EDF1: variants seen among roughly 807,000 people sequenced by gnomAD.
EDF1 encodes the protein endothelial differentiation-related factor 1.
EDF1 carries 5 observed loss-of-function variants against 20.8 expected under a neutral mutation model. The ratio of observed to expected loss-of-function variants is 0.24; its 90% CI spans 0.13 to 0.51. The LOEUF (loss-of-function observed/expected upper bound fraction) is 0.51, where lower values mean the gene tolerates loss of function less well. EDF1 is among the 20% of genes least tolerant of loss of function. The pLI is 0.97. For missense variants in EDF1, 137 were observed against 197.8 expected (o/e 0.69, Z 1.84); for synonymous variants, 96 against 78.5 (o/e 1.22, Z -1.18).
Position 136,863,339 on chromosome 9 carries a change from C to G in EDF1, c.240G>C (p.Val80=), listed in dbSNP as rs774394753. The G allele has an allele frequency of 3.1e-6, 5 of 1,614,078 alleles. No individual in the cohort carries two copies. The highest frequency in any genetic ancestry group is 4.2e-6 in the Non-Finnish European group (5 of 1,180,018). ...HDRVTLEVGK[V]IQQGRQSKGL... The stretch of plus-strand genomic sequence containing the variant: ...CCTTGCTCTGCCGACCTTGCTGGAT[C>G]ACCTTGCCCACCTCCAGGGTCACCC... The change falls in exon 3 of 5, where the codon GTG becomes GTC. Residue 80 remains valine, a synonymous_variant. Transcript: ENST00000224073. This position sits in a 1 kb window ranked among gnomAD's most constrained non-coding sequence, Gnocchi z 4.5.
chr9:136,862,822 C>T lies in EDF1; in HGVS notation c.385+84G>A. 6.2e-7 allele frequency: 1 copy of T among 1,611,106 alleles called. No homozygotes were observed. ...GGACCCCCAGGGCCATCTTCTTCCC[C>T]CGAGTCCCACTCTCACCAACCCCAG... On this transcript the variant is annotated intron_variant, in intron 4 of 4. Transcript: ENST00000224073. This position sits in a 1 kb window ranked among gnomAD's most constrained non-coding sequence, Gnocchi z 4.1.
At position 136,862,476 on chromosome 9, in the gene EDF1, G is replaced by C. The variant is rs771283221; in HGVS notation, c.386-131C>G. On this transcript the variant is annotated intron_variant, in intron 4 of 4. Coordinates refer to ENST00000224073, the MANE Select transcript of EDF1 (RefSeq NM_003792.4). This position sits in a 1 kb window ranked among gnomAD's most constrained non-coding sequence, Gnocchi z 4.1. ...GTGCCTCACTGGGCTCTCAGCACAC[G>C]AGCACTCCTGGTTCCCACATCTAAT... The C allele has an allele frequency of 1.2e-6, 2 of 1,612,724 alleles. No homozygotes were observed. Among genetic ancestry groups the C allele is most frequent in the African/African-American group, 1.3e-5 (1 of 74,920 alleles).
rs1849111915 is a variant in EDF1 at position 136,862,201 on chromosome 9, C to T, written c.*83G>A. On this transcript the variant is annotated 3_prime_UTR_variant, in exon 5 of 5. Coordinates refer to ENST00000224073, the MANE Select transcript of EDF1 (RefSeq NM_003792.4). The surrounding 1 kb of genome is among the most constrained non-coding windows in gnomAD (Gnocchi z 4.1). ...AAGCTGGACCCCTTGTTCCGTTCGG[C>T]CCGTGAGGAGAACGGAACTGGCGGC... The T allele has an allele frequency of 5.1e-6, 8 of 1,574,860 alleles. No individual in the cohort carries two copies. The highest frequency in any genetic ancestry group is 5.2e-6 in the Non-Finnish European group (6 of 1,145,362).
Position 136,862,394 on chromosome 9 carries a change from C to T in EDF1, c.386-49G>A, listed in dbSNP as rs1184525799. On this transcript the variant is annotated intron_variant, in intron 4 of 4. Transcript: ENST00000224073. The surrounding 1 kb of genome is among the most constrained non-coding windows in gnomAD (Gnocchi z 4.1). ...CCACTGCAGCACCAGCTCCCTCCTC[C>T]CCCCAACGCTGCCCCTCTTCAACAT... 1 of 1,613,942 alleles carries T rather than the reference C, an allele frequency of 6.2e-7. No homozygotes were observed. Among genetic ancestry groups the T allele is most frequent in the Admixed American group, 1.7e-5 (1 of 60,014 alleles).
intron 1 of EDF1, among the ~76,000 whole-genome samples, chr9:136,865,196 G>A (rs116924614): frequency 0.02 from 3,110 of 152,156 alleles, 33 homozygotes; most frequent in Non-Finnish European, 0.031. Context: ...AGGCAGAGGC[G>A]GTGACTAAAC....
In EDF1 at chr9:136,863,044, G is replaced by A. The variant is rs1849139201; in HGVS notation, c.292-45C>T. 1.9e-6 allele frequency: 3 copies of A among 1,609,596 alleles called. No individual in the cohort carries two copies. Among genetic ancestry groups the A allele is most frequent in the Admixed American group, 1.7e-5 (1 of 59,996 alleles). Reference sequence around the variant, plus strand: ...TATACACATCAGCTCCACTAGGACTGCTGCAAAACCAGGCGCGAAGCGTCG... The same window carrying A: ...TATACACATCAGCTCCACTAGGACTACTGCAAAACCAGGCGCGAAGCGTCG... On this transcript the variant is annotated intron_variant, in intron 3 of 4. Coordinates refer to ENST00000224073, the MANE Select transcript of EDF1 (RefSeq NM_003792.4). The surrounding 1 kb of genome is among the most constrained non-coding windows in gnomAD (Gnocchi z 4.5).
rs1849114634 is a variant in EDF1 at position 136,862,290 on chromosome 9, C to T, written c.441G>A (p.Ala147=). ...IGKPIEKGPR[A]K ...TGATTTCGAGGCTTTGTGTTCATTT[C>T]GCCCTAGGCCCCTTCTCGATGGGCT... is the stretch of plus-strand genomic sequence containing the variant. Residue 147 remains alanine, a synonymous_variant, in exon 5 of 5, where the codon GCG becomes GCA. Transcript: ENST00000224073. The surrounding 1 kb of genome is among the most constrained non-coding windows in gnomAD (Gnocchi z 4.1). The T allele has an allele frequency of 2.5e-6, 4 of 1,614,002 alleles. No homozygotes were observed. Among genetic ancestry groups the T allele is most frequent in the Non-Finnish European group, 3.4e-6 (4 of 1,179,982 alleles).
chr9:136,862,240 C>T lies in EDF1; in HGVS notation c.*44G>A, dbSNP rs372345202. 148 of 1,612,014 alleles carry T rather than the reference C, an allele frequency of 9.2e-5. No individual in the cohort carries two copies. Among genetic ancestry groups the T allele is most frequent in the Middle Eastern group, 1.6e-4 (1 of 6,072 alleles). On this transcript the variant is annotated 3_prime_UTR_variant, in exon 5 of 5. Transcript: ENST00000224073. This position sits in a 1 kb window ranked among gnomAD's most constrained non-coding sequence, Gnocchi z 4.1. ...GGAACTGGCGGCCAAGGGGAACCGG[C>T]GGAACGAGATCAGCTGGAGCGCACT...
At position 136,866,172 on chromosome 9, in the gene EDF1, G is replaced by GCAAATC. The variant is rs1849222993; in HGVS notation, c.78+8_78+9insGATTTG. On this transcript the variant is annotated intron_variant, in intron 1 of 4. Transcript: ENST00000224073. ...GCCCGGCCCGGCCGCTCCTCAGTCA[G>GCAAATC]CAAAGCACCTGCTTGGATTTGGCCT... is the stretch of plus-strand genomic sequence containing the variant. 6.3e-7 allele frequency: 1 copy of GCAAATC among 1,595,476 alleles called. No homozygotes were observed. The highest frequency in any genetic ancestry group is 1.4e-5 in the African/African-American group (1 of 72,056).
rs763778714 is a variant in EDF1 at position 136,862,442 on chromosome 9, G to A, written c.386-97C>T. On this transcript the variant is annotated intron_variant, in intron 4 of 4. Transcript: ENST00000224073. The surrounding 1 kb of genome is among the most constrained non-coding windows in gnomAD (Gnocchi z 4.1). ...CATCTTCCCAGGGAAGGGGGGCCACGCCGCTCCCGTGCCTCACTGGGCTCT... is the reference window on the plus strand; with the variant it reads ...CATCTTCCCAGGGAAGGGGGGCCACACCGCTCCCGTGCCTCACTGGGCTCT... 33 of 1,613,380 alleles carry A rather than the reference G, an allele frequency of 2.0e-5. No homozygotes were observed. Among genetic ancestry groups the A allele is most frequent in the East Asian group, 1.3e-4 (6 of 44,886 alleles).
intron 1 of EDF1, among the ~76,000 whole-genome samples, chr9:136,865,862 T>C (rs1849211405): frequency 1.5e-5 from 1 of 65,088 alleles, no homozygotes; most frequent in African/African-American, 6.1e-5. Flanking sequence ...GTCCCGGCCC[T>C]ATCGCCTGCC....
At chr9:136,865,078 C>G (rs1031768510) in intron 1 of EDF1, among the ~76,000 whole-genome samples, 1 of 152,166 alleles carries the variant, frequency 6.6e-6, no homozygotes. Context: ...GACTGTGCAA[C>G]CAGTAAGGGT....
At chr9:136,864,126 G>C (rs1849167762) in intron 1 of EDF1, among the ~76,000 whole-genome samples, 1 of 152,124 alleles carries the variant, frequency 6.6e-6, no homozygotes, top group African/African-American at 2.4e-5. Flanking sequence ...GGGCAACACA[G>C]CAAGATCCTG....
In EDF1 at chr9:136,863,251, C is replaced by T. The variant is rs748738870; in HGVS notation, c.291+37G>A. On this transcript the variant is annotated intron_variant, in intron 3 of 4. Coordinates refer to ENST00000224073, the MANE Select transcript of EDF1 (RefSeq NM_003792.4). The surrounding 1 kb of genome is among the most constrained non-coding windows in gnomAD (Gnocchi z 4.5). ...CACCGGCCATCCCCCTCCCCAAACC[C>T]ACAACCCCAGGAGTGAGAGCCCCGG... The T allele has an allele frequency of 1.3e-6, 2 of 1,595,956 alleles. No homozygotes were observed. The highest frequency in any genetic ancestry group is 1.7e-6 in the Non-Finnish European group (2 of 1,171,444).
Position 136,862,559 on chromosome 9 carries a change from A to G in EDF1, c.386-214T>C. 2 of 1,586,838 alleles carry G rather than the reference A, an allele frequency of 1.3e-6. No individual in the cohort carries two copies. Among genetic ancestry groups the G allele is most frequent in the Non-Finnish European group, 1.7e-6 (2 of 1,172,326 alleles). On this transcript the variant is annotated intron_variant, in intron 4 of 4. Transcript: ENST00000224073. This position sits in a 1 kb window ranked among gnomAD's most constrained non-coding sequence, Gnocchi z 4.1. The stretch of plus-strand genomic sequence containing the variant: ...GCAGAGCATGAACACCCCTCTCCGG[A>G]AGAACCGGAGCCGGGGTCCTCTGTG...
rs2131247968 is a variant in EDF1, at chr9:136,863,756, C to T, written c.130+64G>A. 1 of 1,596,836 alleles carries T rather than the reference C, an allele frequency of 6.3e-7. No homozygotes were observed. Among genetic ancestry groups the T allele is most frequent in the Middle Eastern group, 1.7e-4 (1 of 6,022 alleles). ...GTCCCCGGGGGCGCCGCACACACCACACCCACCAGCACATGGACCCCACAG... is the reference window on the plus strand; with the variant it reads ...GTCCCCGGGGGCGCCGCACACACCATACCCACCAGCACATGGACCCCACAG... On this transcript the variant is annotated intron_variant, in intron 2 of 4. Coordinates refer to ENST00000224073, the MANE Select transcript of EDF1 (RefSeq NM_003792.4). This position sits in a 1 kb window ranked among gnomAD's most constrained non-coding sequence, Gnocchi z 4.5.
intron 1 of EDF1, among the ~76,000 whole-genome samples, chr9:136,864,939 C>A (rs1849184854): frequency 6.6e-6 from 1 of 152,188 alleles, no homozygotes; most frequent in African/African-American, 2.4e-5. Flanking sequence ...TCTACCACTT[C>A]AGAGGAGTGA....
Position 136,863,814 on chromosome 9 carries a change from A to G in EDF1, c.130+6T>C. 6.2e-7 allele frequency: 1 copy of G among 1,613,860 alleles called. No individual in the cohort carries two copies. Among genetic ancestry groups the G allele is most frequent in the Non-Finnish European group, 8.5e-7 (1 of 1,179,968 alleles). Reference sequence around the variant, plus strand: ...TCATGTTGCAAGCGGAAACACAAGTACCTACATTTCTTGGAAGTCTCCACA... The same window carrying G: ...TCATGTTGCAAGCGGAAACACAAGTGCCTACATTTCTTGGAAGTCTCCACA... On this transcript the variant is annotated splice_donor_region_variant and intron_variant, in intron 2 of 4. Transcript: ENST00000224073. The surrounding 1 kb of genome is among the most constrained non-coding windows in gnomAD (Gnocchi z 4.5).
In EDF1 at chr9:136,862,323, G is replaced by A; in HGVS notation, c.408C>T (p.Asp136=). Reference sequence around the variant, plus strand: ...GCCCCTTCTCGATGGGCTTTCCAATGTCCTTTCCCCGGAGCTTGAGGCCTG... The same window carrying A: ...GCCCCTTCTCGATGGGCTTTCCAATATCCTTTCCCCGGAGCTTGAGGCCTG... ...RAIGLKLRGK[D]IGKPIEKGPR... Residue 136 remains aspartate (D), a synonymous_variant, in exon 5 of 5, where the codon GAC becomes GAT. Transcript: ENST00000224073. The surrounding 1 kb of genome is among the most constrained non-coding windows in gnomAD (Gnocchi z 4.1). 4.3e-6 allele frequency: 7 copies of A among 1,614,020 alleles called. No individual in the cohort carries two copies. The highest frequency in any genetic ancestry group is 4.2e-6 in the Non-Finnish European group (5 of 1,179,990).
Sources: allele counts gnomAD v4.1 joint callset (sites outside exome capture counted in the v4.1 genomes callset), GRCh38; gene constraint gnomAD v4.1.1; non-coding constraint Gnocchi (gnomAD v3.1); transcripts MANE v1.5; gene names NCBI Gene and HGNC (gene_info 2026-07-23, HGNC 2026-07-21).